Variants in SLC35D4 observed in about 807,000 individuals in gnomAD.
The protein encoded by SLC35D4 is solute carrier family 35 member D4, also known as UDP-N-acetylglucosamine transporter SLC35D4.
At chr18:23,283,471 C>CAAA in the SLC35D4 span, among the ~76,000 whole-genome samples, 232 of 44,296 alleles carry the variant, frequency 5.2e-3, 1 homozygote, top group African/African-American at 0.014. Flanking sequence ...GACCCAGTCT[C>CAAA]AAAAAAAAAA....
the SLC35D4 span, among the ~76,000 whole-genome samples, chr18:23,289,496 C>T: frequency 1.4e-4 from 21 of 152,200 alleles, no homozygotes; most frequent in Non-Finnish European, 2.8e-4. Context: ...CTTAATCTCT[C>T]CCACTCTAGG....
the SLC35D4 span, among the ~76,000 whole-genome samples, chr18:23,347,281 T>C: frequency 1.3e-5 from 2 of 152,252 alleles, no homozygotes; most frequent in Non-Finnish European, 2.9e-5. Flanking sequence ...TCATCCAAAT[T>C]GACTAATTTT....
At chr18:23,380,109 A>G in the SLC35D4 span, among the ~76,000 whole-genome samples, 2 of 151,892 alleles carry the variant, frequency 1.3e-5, no homozygotes, top group Non-Finnish European at 2.9e-5. Context: ...ACAAAACAAA[A>G]AAAAGAAGTC....
the SLC35D4 span, among the ~76,000 whole-genome samples, chr18:23,240,443 G>A: frequency 6.6e-6 from 1 of 152,240 alleles, no homozygotes; most frequent in East Asian, 1.9e-4. Flanking sequence ...CCAGGCACAG[G>A]GAGCTGCCGC....
At chr18:23,389,209 G>A in the SLC35D4 span, among the ~76,000 whole-genome samples, 2 of 151,872 alleles carry the variant, frequency 1.3e-5, no homozygotes, top group Admixed American at 1.3e-4. Context: ...GGTTGGTCTC[G>A]AACTCCTGAC....
At chr18:23,424,645 G>A in the SLC35D4 span, among the ~76,000 whole-genome samples, 1 of 152,144 alleles carries the variant, frequency 6.6e-6, no homozygotes, top group Non-Finnish European at 1.5e-5. Flanking sequence ...TTGCTACTCT[G>A]TAAGAGAGAA....
chr18:23,269,261 T>C, the SLC35D4 span, among the ~76,000 whole-genome samples: 2 of 152,226 alleles, frequency 1.3e-5, no homozygotes, highest in Non-Finnish European at 2.9e-5. Context: ...TACCCCATCC[T>C]GTTTTGGTGA....
At chr18:23,348,277 T>C in the SLC35D4 span, among the ~76,000 whole-genome samples, 2 of 152,212 alleles carry the variant, frequency 1.3e-5, no homozygotes, top group Non-Finnish European at 2.9e-5. Context: ...GAATATTCCA[T>C]GTGCGCTTGA....
the SLC35D4 span, among the ~76,000 whole-genome samples, chr18:23,381,576 C>CAACAACAACAAA: frequency 6.7e-6 from 1 of 148,922 alleles, no homozygotes; most frequent in Non-Finnish European, 1.5e-5. Context: ...GTTTTAATAA[C>CAACAACAACAAA]AACAACAACA....
chr18:23,270,815 G>C, the SLC35D4 span, among the ~76,000 whole-genome samples: 1 of 152,364 alleles, frequency 6.6e-6, no homozygotes, highest in Admixed American at 6.5e-5. Flanking sequence ...TGTCTAGGCA[G>C]TGGGCAAGAT....
At chr18:23,410,688 T>G in the SLC35D4 span, among the ~76,000 whole-genome samples, 2 of 151,440 alleles carry the variant, frequency 1.3e-5, no homozygotes, top group Non-Finnish European at 2.9e-5. Flanking sequence ...TGCCAGCTAC[T>G]CGGGAGACTG....
the SLC35D4 span, chr18:23,385,117 A>G: frequency 6.5e-7 from 1 of 1,545,252 alleles, no homozygotes; most frequent in Non-Finnish European, 8.8e-7. Flanking sequence ...TCGATCTCAT[A>G]ATCATATGGT....
At chr18:23,352,845 G>A in the SLC35D4 span, among the ~76,000 whole-genome samples, 2 of 152,242 alleles carry the variant, frequency 1.3e-5, no homozygotes, top group South Asian at 4.1e-4. Flanking sequence ...GCCTACACAT[G>A]TGTGTGAATG....
the SLC35D4 span, among the ~76,000 whole-genome samples, chr18:23,285,509 CG>C: frequency 1.3e-5 from 2 of 152,118 alleles, no homozygotes; most frequent in Non-Finnish European, 2.9e-5. Context: ...TAATTCTTGT[CG>C]TAAAATGGGC....
the SLC35D4 span, among the ~76,000 whole-genome samples, chr18:23,328,039 T>A: frequency 1.3e-5 from 2 of 152,218 alleles, no homozygotes; most frequent in African/African-American, 4.8e-5. Context: ...AATTAGGTAT[T>A]GATGGGACGT....
the SLC35D4 span, among the ~76,000 whole-genome samples, chr18:23,386,330 C>T: frequency 1.2e-4 from 18 of 151,972 alleles, no homozygotes; most frequent in Admixed American, 6.6e-4. Context: ...TAAGAGGAGG[C>T]AGGTTGACAT....
At chr18:23,275,273 C>A in the SLC35D4 span, among the ~76,000 whole-genome samples, 1 of 152,132 alleles carries the variant, frequency 6.6e-6, no homozygotes, top group Non-Finnish European at 1.5e-5. Flanking sequence ...ACCTTGGGCG[C>A]CTCCAGATTT....
At chr18:23,280,846 C>G in the SLC35D4 span, among the ~76,000 whole-genome samples, 8 of 152,242 alleles carry the variant, frequency 5.3e-5, no homozygotes, top group Admixed American at 2.0e-4. Context: ...GACCATGCCC[C>G]CCCGTCTCCT....
At chr18:23,365,776 A>G in the SLC35D4 span, 1 of 1,218,960 alleles carries the variant, frequency 8.2e-7, no homozygotes, top group African/African-American at 1.5e-5. Flanking sequence ...AAAGCAAATT[A>G]TCTGCACTGA....
Sources: gnomAD v4.1 joint callset for allele counts (sites outside exome capture counted in the v4.1 genomes callset) on GRCh38, gnomAD v4.1.1 for gene constraint, MANE v1.5 for transcripts, NCBI Gene and HGNC (gene_info 2026-07-23, HGNC 2026-07-21) for gene names.